Variants in FRMD5 observed in about 807,000 individuals in gnomAD.
The protein encoded by FRMD5 is FERM domain-containing protein 5.
Under a neutral mutation model 69.0 loss-of-function variants are expected in FRMD5, and 20 were observed. The observed-to-expected ratio is 0.29, with a 90% confidence interval of 0.20 to 0.42. The LOEUF is 0.42. FRMD5 is among the 10% of genes least tolerant of loss of function. The probability of loss-of-function intolerance (pLI) is 1.00; values close to 1 mark genes in which losing one functional copy is unlikely to be tolerated. For synonymous variants in FRMD5, 271 were observed against 260.1 expected, an observed-to-expected ratio of 1.04 and a Z score of -0.40; for missense variants, 595 against 708.6, an observed-to-expected ratio of 0.84 and a Z score of 1.82.
At chr15:44,196,277 C>T (rs933362951), upstream of FRMD5, among the ~76,000 whole-genome samples, 3 of 152,104 alleles carry the variant, frequency 2.0e-5, no homozygotes, top group African/African-American at 7.2e-5. Context: ...GCCTGACCAA[C>T]ATGGTGAATC....
chr15:43,941,441 A>G (rs57143137), intron 1 of FRMD5, among the ~76,000 whole-genome samples: 6,683 of 152,210 alleles, frequency 0.044, 447 homozygotes, highest in African/African-American at 0.14. Flanking sequence ...CTTTAAAGCA[A>G]GTTTTAGATG....
chr15:43,892,904 G>C (rs1234898267), intron 7 of FRMD5, among the ~76,000 whole-genome samples: 4 of 152,156 alleles, frequency 2.6e-5, no homozygotes, highest in African/African-American at 9.7e-5. Flanking sequence ...AGGAGTTCGA[G>C]ACCAGCCTGG....
At chr15:44,052,184 T>C in intron 1 of FRMD5, among the ~76,000 whole-genome samples, 1 of 152,232 alleles carries the variant, frequency 6.6e-6, no homozygotes, top group Non-Finnish European at 1.5e-5. Flanking sequence ...TTCAGACTTT[T>C]ATTTATATCA....
intron 12 of FRMD5, 60 bp downstream of exon 12, chr15:43,884,667 T>G: frequency 6.6e-7 from 1 of 1,505,160 alleles, no homozygotes; most frequent in African/African-American, 1.4e-5. Context: ...CTCAAACTGC[T>G]GGATTGAGAT....
At chr15:44,120,136 T>A (rs567565802) in intron 1 of FRMD5, among the ~76,000 whole-genome samples, 38 of 152,206 alleles carry the variant, frequency 2.5e-4, no homozygotes, top group African/African-American at 9.2e-4. Context: ...CTACAAACCA[T>A]ACCAAGGAGT....
intron 1 of FRMD5, among the ~76,000 whole-genome samples, chr15:44,080,247 T>C (rs988542621): frequency 6.6e-6 from 1 of 152,148 alleles, no homozygotes; most frequent in African/African-American, 2.4e-5. Context: ...ATATGCATTC[T>C]TTGTCTTCCA....
At chr15:44,075,849 T>C (rs1482539481) in intron 1 of FRMD5, among the ~76,000 whole-genome samples, 3 of 152,222 alleles carry the variant, frequency 2.0e-5, no homozygotes, top group Non-Finnish European at 2.9e-5. Flanking sequence ...AGCTCTATGA[T>C]TGCCATTCTA....
rs551594498 is a variant in FRMD5 at position 43,990,022 on chromosome 15, A to G, written c.103-65713T>C. 96 of 843,574 alleles carry G rather than the reference A, an allele frequency of 1.1e-4. 4 individuals are homozygous for G. The South Asian group carries it at 1.3e-3, about 11-fold the overall frequency. The allele number at this position is 843,574 out of a possible 1,614,324, so 52.3% of individuals were successfully genotyped here. Reference sequence around the variant, plus strand: ...TCTCTTGCTCTGGACCTCGTTGCCCACATAGGAGTCCTTCTGACCCATGCC... The same window carrying G: ...TCTCTTGCTCTGGACCTCGTTGCCCGCATAGGAGTCCTTCTGACCCATGCC... On this transcript the variant is annotated intron_variant, in intron 1 of 13. Coordinates refer to ENST00000417257, the MANE Select transcript of FRMD5 (RefSeq NM_032892.5).
intron 1 of FRMD5, among the ~76,000 whole-genome samples, chr15:44,057,386 G>T (rs999802716): frequency 1.3e-5 from 2 of 151,906 alleles, no homozygotes; most frequent in Admixed American, 6.6e-5. Context: ...GATTACTGGC[G>T]TGAGCCACCA....
chr15:44,015,211 C>G (rs1356737659), intron 1 of FRMD5, among the ~76,000 whole-genome samples: 1 of 151,954 alleles, frequency 6.6e-6, no homozygotes, highest in Non-Finnish European at 1.5e-5. Context: ...TCATAACTCA[C>G]TGCAGCCTTG....
At chr15:44,144,516 G>T (rs1269413028) in intron 1 of FRMD5, among the ~76,000 whole-genome samples, 2 of 152,074 alleles carry the variant, frequency 1.3e-5, no homozygotes, top group Non-Finnish European at 2.9e-5. Context: ...ATCTATAGAG[G>T]GTCTTGGGCC....
At chr15:43,978,803 C>T (rs1196990616) in intron 1 of FRMD5, among the ~76,000 whole-genome samples, 3 of 152,118 alleles carry the variant, frequency 2.0e-5, no homozygotes, top group African/African-American at 7.2e-5. Flanking sequence ...CCACCCACCT[C>T]GGCTTCCCAA....
At chr15:43,879,024 G>C (rs965917876) in intron 13 of FRMD5, among the ~76,000 whole-genome samples, 1 of 138,710 alleles carries the variant, frequency 7.2e-6, no homozygotes, top group Non-Finnish European at 1.5e-5. Flanking sequence ...TGCAGCCTCC[G>C]ACCCCCGGGT....
At chr15:44,088,864 C>T (rs998537935) in intron 1 of FRMD5, among the ~76,000 whole-genome samples, 2 of 152,128 alleles carry the variant, frequency 1.3e-5, no homozygotes, top group Non-Finnish European at 2.9e-5. Flanking sequence ...GGATCTGAAC[C>T]CTGTTCAGTC....
intron 1 of FRMD5, among the ~76,000 whole-genome samples, chr15:44,048,542 A>C (rs1892525816): frequency 6.6e-6 from 1 of 152,062 alleles, no homozygotes; most frequent in African/African-American, 2.4e-5. Context: ...TTTGCAGCAC[A>C]AAGTTTTTTA....
At chr15:43,951,514 A>T (rs1212445572) in intron 1 of FRMD5, among the ~76,000 whole-genome samples, 1 of 152,206 alleles carries the variant, frequency 6.6e-6, no homozygotes, top group Non-Finnish European at 1.5e-5. Flanking sequence ...ATAATGAAAA[A>T]TATTTTATAA....
chr15:44,026,472 G>A (rs1429696797), intron 1 of FRMD5, among the ~76,000 whole-genome samples: 2 of 151,838 alleles, frequency 1.3e-5, no homozygotes, highest in African/African-American at 2.4e-5. Context: ...CACATTTATA[G>A]CACATGAACA....
chr15:43,896,538 C>A (rs1004330803), intron 7 of FRMD5, among the ~76,000 whole-genome samples: 2 of 152,210 alleles, frequency 1.3e-5, no homozygotes, highest in Non-Finnish European at 2.9e-5. Flanking sequence ...CAGTCAACAC[C>A]AGCAAAGTTC....
intron 1 of FRMD5, among the ~76,000 whole-genome samples, chr15:44,105,496 G>A (rs2076704407): frequency 6.6e-6 from 1 of 152,170 alleles, no homozygotes; most frequent in Admixed American, 6.5e-5. Context: ...TTCCCAGACT[G>A]TGGGAAATAC....
Sources: gnomAD v4.1 joint callset for allele counts (sites outside exome capture counted in the v4.1 genomes callset) on GRCh38, gnomAD v4.1.1 for gene constraint, MANE v1.5 for transcripts, NCBI Gene and HGNC (gene_info 2026-07-23, HGNC 2026-07-21) for gene names.